The following ARSB variants were observed in gnomAD, a reference collection of about 807,000 sequenced individuals.
The protein encoded by ARSB is N-acetylgalactosamine-4-sulfatase.
ARSB carries 41 observed loss-of-function variants against 50.9 expected under a neutral mutation model. That is an observed-to-expected ratio of 0.81 (90% confidence interval 0.63 to 1.04). The LOEUF is 1.04. ARSB is among the 50% of genes least tolerant of loss of function. The pLI is 0.00. For missense variants in ARSB, 672 were observed against 693.3 expected, an observed-to-expected ratio of 0.97 and a Z score of 0.35; for synonymous variants, 269 against 284.8, an observed-to-expected ratio of 0.94 and a Z score of 0.56.
chr5:78,968,600 C>T (rs370664730), intron 2 of ARSB, among the ~76,000 whole-genome samples: 1 of 152,086 alleles, frequency 6.6e-6, no homozygotes, highest in African/African-American at 2.4e-5. Context: ...CCGCCTGCTT[C>T]GGCCTCCCAA....
intron 6 of ARSB, among the ~76,000 whole-genome samples, chr5:78,796,061 A>G (rs1333855865): frequency 6.6e-6 from 1 of 152,218 alleles, no homozygotes; most frequent in East Asian, 1.9e-4. Context: ...AGCAGTGTAA[A>G]CCAAAAATGA....
At chr5:78,875,016 G>A (rs377638345) in intron 5 of ARSB, among the ~76,000 whole-genome samples, 1 of 152,140 alleles carries the variant, frequency 6.6e-6, no homozygotes, top group Non-Finnish European at 1.5e-5. Flanking sequence ...GGGAGGCTGG[G>A]GTGGAAGGAT....
At chr5:78,867,236 G>A (rs1424557916) in intron 5 of ARSB, among the ~76,000 whole-genome samples, 13 of 152,340 alleles carry the variant, frequency 8.5e-5, no homozygotes, top group African/African-American at 3.1e-4. Flanking sequence ...CAGCGAGGCT[G>A]GGGGAGAGGC....
intron 6 of ARSB, among the ~76,000 whole-genome samples, chr5:78,792,323 G>A (rs1367881549): frequency 6.6e-6 from 1 of 151,256 alleles, no homozygotes; most frequent in African/African-American, 2.4e-5. Flanking sequence ...AGGTTGCAGC[G>A]AGCCGAGATC....
chr5:78,916,614 T>C (rs1866842), intron 4 of ARSB, among the ~76,000 whole-genome samples: 18,467 of 152,238 alleles, frequency 0.12, 1,414 homozygotes, highest in Middle Eastern at 0.19. Context: ...GCAGATTAAA[T>C]GTTACATTAA....
At chr5:78,806,270 G>C (rs1171676255) in intron 6 of ARSB, among the ~76,000 whole-genome samples, 1 of 152,160 alleles carries the variant, frequency 6.6e-6, no homozygotes, top group African/African-American at 2.4e-5. Flanking sequence ...GTGTCCCCTG[G>C]CATGTGTAAC....
chr5:78,938,356 A>G (rs752307023), intron 4 of ARSB, among the ~76,000 whole-genome samples: 3 of 152,264 alleles, frequency 2.0e-5, no homozygotes, highest in African/African-American at 4.8e-5. Context: ...AACAGGTGAA[A>G]TCTAAAGAGG....
intron 4 of ARSB, among the ~76,000 whole-genome samples, chr5:78,953,704 T>G (rs934721673): frequency 5.9e-5 from 9 of 152,148 alleles, no homozygotes; most frequent in Non-Finnish European, 1.3e-4. Flanking sequence ...ATCAAATTGT[T>G]AGATTTCAGC....
intron 4 of ARSB, among the ~76,000 whole-genome samples, chr5:78,904,981 C>T (rs745344380): frequency 5.9e-5 from 9 of 152,150 alleles, no homozygotes; most frequent in African/African-American, 1.7e-4. Flanking sequence ...CGAGCCACCA[C>T]GACCAGCCCA....
chr5:78,844,820 A>C (rs2112011155), intron 5 of ARSB, among the ~76,000 whole-genome samples: 1 of 152,270 alleles, frequency 6.6e-6, no homozygotes, highest in Middle Eastern at 3.4e-3. Context: ...TACAATGTGT[A>C]ATGATAAGTC....
intron 6 of ARSB, among the ~76,000 whole-genome samples, chr5:78,818,955 G>A (rs890913610): frequency 1.3e-5 from 2 of 152,136 alleles, no homozygotes; most frequent in African/African-American, 2.4e-5. Context: ...CTCCTTAGGG[G>A]CAGAGGCCAT....
At chr5:78,960,226 G>A (rs1751921513) in intron 3 of ARSB, among the ~76,000 whole-genome samples, 1 of 152,040 alleles carries the variant, frequency 6.6e-6, no homozygotes, top group Admixed American at 6.6e-5. Flanking sequence ...GAGATATTGG[G>A]GGTTCTTTTC....
chr5:78,964,115 T>C (rs1345558699), intron 3 of ARSB, among the ~76,000 whole-genome samples: 1 of 152,198 alleles, frequency 6.6e-6, no homozygotes, highest in African/African-American at 2.4e-5. Flanking sequence ...ACTACCAACA[T>C]AGTATTCCTC....
chr5:78,825,426 G>GA (rs1338567009), intron 6 of ARSB, among the ~76,000 whole-genome samples: 1 of 151,904 alleles, frequency 6.6e-6, no homozygotes, highest in Non-Finnish European at 1.5e-5. Context: ...GAAAGACTAA[G>GA]AAAAAAATCC....
chr5:78,958,365 C>A (rs942982875), intron 3 of ARSB, among the ~76,000 whole-genome samples: 20 of 152,116 alleles, frequency 1.3e-4, no homozygotes, highest in African/African-American at 4.8e-4. Context: ...AGGTGATTCC[C>A]AGCCAGCAAT....
chr5:78,855,558 C>T (rs113570842), intron 5 of ARSB, among the ~76,000 whole-genome samples: 109 of 152,210 alleles, frequency 7.2e-4, no homozygotes, highest in African/African-American at 2.4e-3. Flanking sequence ...CATACTTGCC[C>T]CCAGAGCAAG....
chr5:78,936,576 T>A (rs558020318), intron 4 of ARSB, among the ~76,000 whole-genome samples: 1 of 152,162 alleles, frequency 6.6e-6, no homozygotes, highest in Non-Finnish European at 1.5e-5. Context: ...AATGAACCTC[T>A]GCTCACATAG....
rs772999708 is a variant in ARSB, at chr5:78,969,186, T to C, written c.319A>G (p.Thr107Ala). Residue 107 changes from threonine (T) to alanine (A), a missense_variant, in exon 2 of 8, where the codon ACA becomes GCA. Transcript: ENST00000264914. ...CAGATTATTTGGTGCTGTAAACCTG[T>C]ACGGATCTTACAGAGATAAACATAA... ...QLLTGRYQIRTGLQHQIIWPC... is the reference protein window; with the variant it reads ...QLLTGRYQIRAGLQHQIIWPC... 1.8e-5 allele frequency: 29 copies of C among 1,614,102 alleles called. No homozygotes were observed. Among genetic ancestry groups the C allele is most frequent in the Non-Finnish European group, 2.3e-5 (27 of 1,179,964 alleles).
intron 4 of ARSB, among the ~76,000 whole-genome samples, chr5:78,907,754 G>A (rs74914932): frequency 0.12 from 18,212 of 152,134 alleles, 1,408 homozygotes; most frequent in Non-Finnish European, 0.18. Context: ...AGCAAATAGC[G>A]GCCAAGTCCA....
Sources: allele counts gnomAD v4.1 joint callset (sites outside exome capture counted in the v4.1 genomes callset), GRCh38; gene constraint gnomAD v4.1.1; transcripts MANE v1.5; gene names NCBI Gene and HGNC (gene_info 2026-07-23, HGNC 2026-07-21).